The following PAWR variants were observed in gnomAD, a reference collection of about 807,000 sequenced individuals.
PAWR encodes PRKC apoptosis WT1 regulator protein.
PAWR carries 23 observed loss-of-function variants against 32.0 expected under a neutral mutation model. That is an observed-to-expected ratio of 0.72 (90% confidence interval 0.52 to 1.02). The LOEUF (loss-of-function observed/expected upper bound fraction) is 1.02, where lower values mean the gene tolerates loss of function less well. PAWR is among the 50% of genes least tolerant of loss of function. The pLI is 0.00. For missense variants in PAWR, 457 were observed against 437.7 expected (o/e 1.04, Z -0.39); for synonymous variants, 226 against 187.1 (o/e 1.21, Z -1.70).
At chr12:79,645,076 A>G (rs1377951876) in intron 2 of PAWR, among the ~76,000 whole-genome samples, 1 of 151,586 alleles carries the variant, frequency 6.6e-6, no homozygotes, top group African/African-American at 2.4e-5. Flanking sequence ...ACAAAAATCA[A>G]TGTGGAATAG....
At chr12:79,621,245 T>C (rs748578743) in intron 2 of PAWR, 38 bp from the exon 3 acceptor site, 3 of 1,462,468 alleles carry the variant, frequency 2.1e-6, no homozygotes, top group East Asian at 4.6e-5. Flanking sequence ...ATTTCTACTA[T>C]TAATAGACTG....
chr12:79,603,472 T>C (rs1874039136), intron 4 of PAWR, among the ~76,000 whole-genome samples: 1 of 152,104 alleles, frequency 6.6e-6, no homozygotes, highest in East Asian at 1.9e-4. Context: ...TCTGCATCCA[T>C]CCATGACTTT....
intron 2 of PAWR, among the ~76,000 whole-genome samples, chr12:79,650,347 T>C (rs1373141755): frequency 1.3e-5 from 2 of 152,356 alleles, no homozygotes; most frequent in Non-Finnish European, 2.9e-5. Context: ...TACCTTGTTA[T>C]CAACAAAACT....
At chr12:79,659,633 TAC>T (rs1264803693) in intron 2 of PAWR, among the ~76,000 whole-genome samples, 1 of 152,218 alleles carries the variant, frequency 6.6e-6, no homozygotes. Flanking sequence ...CATTTCTATC[TAC>T]AGTTATTCAG....
intron 2 of PAWR, among the ~76,000 whole-genome samples, chr12:79,626,890 T>C (rs1162566025): frequency 1.3e-5 from 2 of 152,164 alleles, no homozygotes; most frequent in Non-Finnish European, 2.9e-5. Flanking sequence ...GTTTCCAGTT[T>C]CATCCATGTC....
chr12:79,633,017 TCA>T (rs989149246), intron 2 of PAWR, among the ~76,000 whole-genome samples: 4 of 151,750 alleles, frequency 2.6e-5, no homozygotes, highest in African/African-American at 9.7e-5. Context: ...GTCTGTAGTC[TCA>T]GTTACTTGGG....
At chr12:79,635,971 A>T (rs979055092) in intron 2 of PAWR, among the ~76,000 whole-genome samples, 3 of 152,172 alleles carry the variant, frequency 2.0e-5, no homozygotes, top group Non-Finnish European at 4.4e-5. Context: ...CATTGTGGCT[A>T]AACAGGAATT....
intron 4 of PAWR, among the ~76,000 whole-genome samples, chr12:79,611,915 T>C (rs1367628992): frequency 3.9e-5 from 6 of 152,150 alleles, no homozygotes; most frequent in Admixed American, 1.3e-4. Flanking sequence ...TATTCCCCTC[T>C]TGATTCTAAT....
intron 2 of PAWR, among the ~76,000 whole-genome samples, chr12:79,643,139 T>C (rs1393278738): frequency 6.6e-6 from 1 of 152,172 alleles, no homozygotes; most frequent in Non-Finnish European, 1.5e-5. Context: ...ACCATTTATC[T>C]TTTACTCACT....
chr12:79,591,481 A>T lies in PAWR; in HGVS notation c.*1126T>A, dbSNP rs1028269232. On this transcript the variant is annotated 3_prime_UTR_variant, in exon 7 of 7. Transcript: ENST00000328827. ...TATTTTAAGGGAAGACGGGGTTCTT[A>T]ACATGAATATGTAATACAAAAACAA... 1 of 152,196 alleles carries T rather than the reference A, an allele frequency of 6.6e-6. No individual in the cohort carries two copies. The highest frequency in any genetic ancestry group is 1.5e-5 in the Non-Finnish European group (1 of 68,040). The allele number at this position is 152,196 out of a possible 1,614,324, so 9.4% of individuals were successfully genotyped here. A position where few individuals can be genotyped will look rare whatever the true frequency, so the allele number is the denominator to read the frequency against.
intron 4 of PAWR, chr12:79,603,593 A>G (rs1027857311): frequency 2.0e-5 from 3 of 152,160 alleles, no homozygotes; most frequent in South Asian, 2.1e-4. Flanking sequence ...ATATTTCAAA[A>G]AAGTTTAACT....
intron 6 of PAWR, among the ~76,000 whole-genome samples, 164 bp from the exon 7 acceptor site, chr12:79,592,857 T>C (rs1873605502): frequency 6.6e-6 from 1 of 152,196 alleles, no homozygotes; most frequent in Non-Finnish European, 1.5e-5. Flanking sequence ...AAAAAGAGCA[T>C]CCATTACTTG....
chr12:79,685,206 G>A (rs1165456020), intron 2 of PAWR, among the ~76,000 whole-genome samples: 1 of 152,126 alleles, frequency 6.6e-6, no homozygotes, highest in African/African-American at 2.4e-5. Flanking sequence ...GGAAAGCTGG[G>A]CTAATAGCCC....
At chr12:79,632,357 A>ATG (rs1875741546) in intron 2 of PAWR, among the ~76,000 whole-genome samples, 1 of 17,730 alleles carries the variant, frequency 5.6e-5, no homozygotes, top group African/African-American at 3.2e-4. Context: ...ATATATATAT[A>ATG]TATATTTTTT....
intron 2 of PAWR, among the ~76,000 whole-genome samples, chr12:79,642,734 G>C (rs1447784607): frequency 6.6e-6 from 1 of 152,012 alleles, no homozygotes; most frequent in African/African-American, 2.4e-5. Context: ...TGGGGGCTAG[G>C]GTTTCAACAT....
intron 1 of PAWR, chr12:79,690,635 C>A: frequency 6.0e-6 from 1 of 166,460 alleles, no homozygotes; most frequent in Non-Finnish European, 1.3e-5. Flanking sequence ...GGCCCGCCCG[C>A]CCCATCCCCA....
intron 2 of PAWR, among the ~76,000 whole-genome samples, chr12:79,673,393 G>T (rs1878008538): frequency 6.6e-6 from 1 of 152,172 alleles, no homozygotes; most frequent in Non-Finnish European, 1.5e-5. Context: ...TTTCTTTCTA[G>T]TGTCTACCAA....
chr12:79,615,198 G>A (rs1592502350), intron 3 of PAWR, among the ~76,000 whole-genome samples: 1 of 152,154 alleles, frequency 6.6e-6, no homozygotes, highest in East Asian at 1.9e-4. Flanking sequence ...AGTTTTATTT[G>A]TATCTCAATT....
At chr12:79,612,624 G>A (rs1874492356) in intron 4 of PAWR, among the ~76,000 whole-genome samples, 1 of 152,048 alleles carries the variant, frequency 6.6e-6, no homozygotes, top group Non-Finnish European at 1.5e-5. Context: ...CTATAAAAGA[G>A]AAATAAATAT....
Sources: gnomAD v4.1 joint callset for allele counts (sites outside exome capture counted in the v4.1 genomes callset) on GRCh38, gnomAD v4.1.1 for gene constraint, MANE v1.5 for transcripts, NCBI Gene and HGNC (gene_info 2026-07-23, HGNC 2026-07-21) for gene names.